The following FIGN variants were observed in gnomAD, a reference collection of about 807,000 sequenced individuals.
The protein encoded by FIGN is fidgetin.
A neutral mutation model predicts 51.3 loss-of-function variants in FIGN; 11 were observed. The ratio of observed to expected loss-of-function variants is 0.21; its 90% CI spans 0.13 to 0.35. The LOEUF (loss-of-function observed/expected upper bound fraction) is 0.35. FIGN is among the 10% of genes least tolerant of loss of function. FIGN has a pLI of 1.00. For synonymous variants in FIGN, 407 were observed against 363.2 expected (o/e 1.12, Z -1.37); for missense variants, 857 against 943.6 (o/e 0.91, Z 1.20).
intron 2 of FIGN, among the ~76,000 whole-genome samples, chr2:163,723,948 T>G (rs968832382): frequency 1.3e-5 from 2 of 152,196 alleles, no homozygotes; most frequent in Admixed American, 1.3e-4. Context: ...AAGATAATTT[T>G]TGGAGCTTTC....
intron 2 of FIGN, among the ~76,000 whole-genome samples, chr2:163,658,419 C>G (rs927668359): frequency 1.3e-5 from 2 of 148,672 alleles, no homozygotes; most frequent in East Asian, 2.0e-4. Flanking sequence ...CGGTCTTAGT[C>G]TGTTTGTGTT....
rs34775500 is a variant in FIGN, at chr2:163,724,510, ATTAT to A, written c.25+10389_25+10392del. On this transcript the variant is annotated intron_variant, in intron 2 of 2. Transcript: ENST00000333129. Reference sequence around the variant, plus strand: ...GTAGGGCTTAGGCAAAAGTTTTTTTATTATTTATTTATTTATTTTGCTTGTTTGG... The same window carrying A: ...GTAGGGCTTAGGCAAAAGTTTTTTTATTATTTATTTATTTTGCTTGTTTGG... Among the ~76,000 whole-genome samples, 23 of 151,382 alleles carry A rather than the reference ATTAT, an allele frequency of 1.5e-4. 1 individual carries two copies. In the South Asian group the frequency reaches 4.6e-3, roughly 30 times the overall value.
chr2:163,722,290 C>G (rs1193408630), intron 2 of FIGN, among the ~76,000 whole-genome samples: 1 of 152,148 alleles, frequency 6.6e-6, no homozygotes, highest in African/African-American at 2.4e-5. Context: ...TTTTACCACC[C>G]CAGTATCATC....
intron 2 of FIGN, chr2:163,612,597 A>AG (rs1391950753): frequency 1.0e-6 from 1 of 984,504 alleles, no homozygotes; most frequent in Non-Finnish European, 1.2e-6. Flanking sequence ...GAAAAAAAAA[A>AG]CAAGCATCAC....
chr2:163,648,532 T>C (rs968024866), intron 2 of FIGN, among the ~76,000 whole-genome samples: 1 of 152,210 alleles, frequency 6.6e-6, no homozygotes, highest in Admixed American at 6.5e-5. Flanking sequence ...TGCCTGTGTC[T>C]GTAAACCCCT....
intron 2 of FIGN, among the ~76,000 whole-genome samples, chr2:163,656,561 A>G (rs1485508412): frequency 6.6e-6 from 1 of 152,090 alleles, no homozygotes; most frequent in Admixed American, 6.6e-5. Flanking sequence ...GCCTGAGAAG[A>G]TTAGATTGCC....
intron 2 of FIGN, among the ~76,000 whole-genome samples, chr2:163,639,902 A>G (rs1051328086): frequency 1.3e-5 from 2 of 152,210 alleles, no homozygotes; most frequent in Non-Finnish European, 2.9e-5. Context: ...AAGTAGATAT[A>G]TACATGAATA....
rs1691055690 is a variant in FIGN at position 163,604,936 on chromosome 2, C to CTTTGTTTTTTT, written c.*4615_*4616insAAAAAAACAAA. ...TTTTAAGCCCAGAAATAAACTTTTGCTTTTTTTTTTTTTTTTTTTGTATCA... is the reference window on the plus strand; with the variant it reads ...TTTTAAGCCCAGAAATAAACTTTTGCTTTGTTTTTTTTTTTTTTTTTTTTTTTTTTGTATCA... On this transcript the variant is annotated 3_prime_UTR_variant, in exon 3 of 3. Coordinates refer to ENST00000333129, the MANE Select transcript of FIGN (RefSeq NM_018086.4). 1 of 94,258 alleles carries CTTTGTTTTTTT rather than the reference C, an allele frequency of 1.1e-5. No individual in the cohort carries two copies. The highest frequency in any genetic ancestry group is 1.9e-5 in the Non-Finnish European group (1 of 53,126). 5.8% of individuals were successfully genotyped at this position (94,258 alleles called of 1,614,324 possible).
At chr2:163,726,540 G>A (rs1475698213) in intron 2 of FIGN, among the ~76,000 whole-genome samples, 1 of 152,028 alleles carries the variant, frequency 6.6e-6, no homozygotes, top group East Asian at 1.9e-4. Flanking sequence ...TCATGAATAT[G>A]TTCTACTCTT....
At chr2:163,673,172 G>A (rs1004023505) in intron 2 of FIGN, among the ~76,000 whole-genome samples, 1 of 152,134 alleles carries the variant, frequency 6.6e-6, no homozygotes, top group African/African-American at 2.4e-5. Context: ...CCCTAAATGT[G>A]GAGCCTTGGA....
At chr2:163,656,953 T>C (rs1683568574) in intron 2 of FIGN, among the ~76,000 whole-genome samples, 1 of 152,158 alleles carries the variant, frequency 6.6e-6, no homozygotes, top group African/African-American at 2.4e-5. Context: ...ATCCACTCTT[T>C]ATTGTTCTGA....
intron 2 of FIGN, among the ~76,000 whole-genome samples, chr2:163,691,428 C>T (rs1410350156): frequency 6.6e-6 from 1 of 152,152 alleles, no homozygotes; most frequent in Non-Finnish European, 1.5e-5. Flanking sequence ...TACCTGTCCT[C>T]CTTCACTCAT....
intron 2 of FIGN, among the ~76,000 whole-genome samples, chr2:163,618,357 C>T (rs1199680095): frequency 1.3e-5 from 2 of 151,786 alleles, no homozygotes; most frequent in Non-Finnish European, 2.9e-5. Flanking sequence ...CTCCAAATTA[C>T]AATACATTTT....
intron 2 of FIGN, among the ~76,000 whole-genome samples, chr2:163,666,975 A>G (rs528102204): frequency 2.0e-5 from 3 of 151,928 alleles, no homozygotes; most frequent in South Asian, 4.1e-4. Flanking sequence ...ATATATATGT[A>G]TAAAAATGTA....
intron 2 of FIGN, among the ~76,000 whole-genome samples, chr2:163,672,040 CAT>C (rs1405483150): frequency 3.9e-5 from 6 of 152,186 alleles, no homozygotes; most frequent in Non-Finnish European, 5.9e-5. Flanking sequence ...AAGTATTACA[CAT>C]GTGTCATAAA....
At chr2:163,629,706 G>A (rs1368504494) in intron 2 of FIGN, among the ~76,000 whole-genome samples, 1 of 152,080 alleles carries the variant, frequency 6.6e-6, no homozygotes, top group Non-Finnish European at 1.5e-5. Flanking sequence ...GAGATGAATA[G>A]TTGTGGCAGA....
At chr2:163,651,387 G>A (rs1683473209) in intron 2 of FIGN, among the ~76,000 whole-genome samples, 1 of 152,210 alleles carries the variant, frequency 6.6e-6, no homozygotes, top group South Asian at 2.1e-4. Context: ...ATTTGAACCT[G>A]GGAGGTTGCA....
intron 2 of FIGN, among the ~76,000 whole-genome samples, chr2:163,706,785 T>C (rs1472185841): frequency 1.3e-5 from 2 of 152,168 alleles, no homozygotes; most frequent in Non-Finnish European, 2.9e-5. Context: ...GGAAATCTTG[T>C]TGGCTGAAAT....
chr2:163,663,427 C>T (rs1272947010), intron 2 of FIGN, among the ~76,000 whole-genome samples: 2 of 151,556 alleles, frequency 1.3e-5, no homozygotes, highest in Admixed American at 6.6e-5. Context: ...CTCTGCCTCC[C>T]GGGTTCAAGG....
Sources: gnomAD v4.1 joint callset for allele counts (sites outside exome capture counted in the v4.1 genomes callset) on GRCh38, gnomAD v4.1.1 for gene constraint, MANE v1.5 for transcripts, NCBI Gene and HGNC (gene_info 2026-07-23, HGNC 2026-07-21) for gene names.